FUCA2: variants seen among roughly 807,000 people sequenced by gnomAD.
FUCA2 encodes the protein alpha-L-fucosidase 2.
Under a neutral mutation model 52.6 loss-of-function variants are expected in FUCA2, and 41 were observed. The ratio of observed to expected loss-of-function variants is 0.78; its 90% CI spans 0.61 to 1.01. The LOEUF is 1.01. Among genes scored for constraint, FUCA2 ranks in the 50% least tolerant of loss-of-function variants. The pLI, the probability that FUCA2 is intolerant of heterozygous loss-of-function variation, is 0.00. For synonymous variants in FUCA2, 211 were observed against 217.3 expected (o/e 0.97, Z 0.26); for missense variants, 507 against 569.5 (o/e 0.89, Z 1.12).
Position 143,502,768 on chromosome 6 carries a change from G to C in FUCA2, c.753-203C>G, listed in dbSNP as rs1259157560. Among the ~76,000 whole-genome samples the C allele has an allele frequency of 1.3e-5, 2 of 152,116 alleles. No individual in the cohort carries two copies. Among genetic ancestry groups the C allele is most frequent in the East Asian group, 1.9e-4 (1 of 5,186 alleles). Reference sequence around the variant, plus strand: ...TGTCACTTTCTAGCTCCCAGACCTAGAGCAAATTACCTGACTCCTCTGAAT... The same window carrying C: ...TGTCACTTTCTAGCTCCCAGACCTACAGCAAATTACCTGACTCCTCTGAAT... On this transcript the variant is annotated intron_variant, in intron 3 of 6. Transcript: ENST00000002165. This position sits in a 1 kb window ranked among gnomAD's most constrained non-coding sequence, Gnocchi z 4.1.
chr6:143,504,076 T>C lies in FUCA2; in HGVS notation c.589A>G (p.Ser197Gly), dbSNP rs761868423. 1.2e-6 allele frequency: 2 copies of C among 1,614,190 alleles called. No individual in the cohort carries two copies. The highest frequency in any genetic ancestry group is 1.3e-5 in the African/African-American group (1 of 75,056). ...FHPLFLEDES[S>G]SFHKRQFPVS... ...GGAAATTGCCGCTTATGGAATGAAC[T>C]GGATTCATCCTCAAGGAAGAGCGGA... is the stretch of plus-strand genomic sequence containing the variant. Residue 197 changes from serine to glycine, a missense_variant, in exon 3 of 7, where the codon AGT becomes GGT. Physicochemically the swap from Ser to Gly is moderately conservative, Grantham distance 56 (BLOSUM62 0). Transcript: ENST00000002165. This position sits in a 1 kb window ranked among gnomAD's most constrained non-coding sequence, Gnocchi z 4.4.
chr6:143,510,571 G>A lies in FUCA2; in HGVS notation c.224+840C>T, dbSNP rs889833882. Reference sequence around the variant, plus strand: ...CGAGAATCGTTTGAACCCGGGCGGCGAAGGTTGCAGTGAGCCGAGATGGTG... The same window carrying A: ...CGAGAATCGTTTGAACCCGGGCGGCAAAGGTTGCAGTGAGCCGAGATGGTG... On this transcript the variant is annotated intron_variant, in intron 1 of 6. Coordinates refer to ENST00000002165, the MANE Select transcript of FUCA2 (RefSeq NM_032020.5). This position sits in a 1 kb window ranked among gnomAD's most constrained non-coding sequence, Gnocchi z 4.4. 1.3e-5 allele frequency among the ~76,000 whole-genome samples: 2 copies of A among 150,900 alleles called. No homozygotes were observed. The highest frequency in any genetic ancestry group is 2.4e-5 in the African/African-American group (1 of 40,996).
chr6:143,498,997 A>G (rs1030983512), intron 5 of FUCA2, among the ~76,000 whole-genome samples: 2 of 152,212 alleles, frequency 1.3e-5, no homozygotes, highest in African/African-American at 2.4e-5. Flanking sequence ...AAGGGCTTCA[A>G]GGTTTTGGGC....
Position 143,494,864 on chromosome 6 carries a change from CAAAAAGG to C in FUCA2, c.*836_*842del, listed in dbSNP as rs1474674967. ...AAGCTAAGTGTTATTACAAAAGAGC[CAAAAAGG>C]TTTTAAAAATTAAAACGTTTGTAAA... On this transcript the variant is annotated 3_prime_UTR_variant, in exon 7 of 7. Transcript: ENST00000002165. The surrounding 1 kb of genome is among the most constrained non-coding windows in gnomAD (Gnocchi z 6.6). 8 of 152,038 alleles carry C rather than the reference CAAAAAGG, an allele frequency of 5.3e-5. No individual in the cohort carries two copies. The highest frequency in any genetic ancestry group is 8.8e-5 in the Non-Finnish European group (6 of 67,990). 9.4% of individuals were successfully genotyped at this position (152,038 alleles called of 1,614,324 possible).
rs576526146 is a variant in FUCA2 at position 143,496,226 on chromosome 6, T to C, written c.1264-379A>G. 34 of 173,858 alleles carry C rather than the reference T, an allele frequency of 2.0e-4. No individual in the cohort carries two copies. The East Asian group carries it at 4.5e-3, about 23-fold the overall frequency. The allele number at this position is 173,858 out of a possible 1,614,324, so 10.8% of individuals were successfully genotyped here. A position where few individuals can be genotyped will look rare whatever the true frequency, so the allele number is the denominator to read the frequency against. On this transcript the variant is annotated intron_variant, in intron 6 of 6. Coordinates refer to ENST00000002165, the MANE Select transcript of FUCA2 (RefSeq NM_032020.5). Reference sequence around the variant, plus strand: ...CCCCAGATTTTCTAATAACCTCCACTAATCAATAATACATAAATTTGATCA... The same window carrying C: ...CCCCAGATTTTCTAATAACCTCCACCAATCAATAATACATAAATTTGATCA...
At position 143,500,231 on chromosome 6, in the gene FUCA2, G is replaced by A. The variant is rs1001837053; in HGVS notation, c.1154+1701C>T. On this transcript the variant is annotated intron_variant, in intron 5 of 6. Transcript: ENST00000002165. This position sits in a 1 kb window ranked among gnomAD's most constrained non-coding sequence, Gnocchi z 6.9. Reference sequence around the variant, plus strand: ...AGTGATGGGCCACAGAATCTGTCCCGGATAAGGAAAAAGACAGAGAAAAGA... The same window carrying A: ...AGTGATGGGCCACAGAATCTGTCCCAGATAAGGAAAAAGACAGAGAAAAGA... Among the ~76,000 whole-genome samples, 3 of 151,972 alleles carry A rather than the reference G, an allele frequency of 2.0e-5. No homozygotes were observed. In the East Asian group the frequency reaches 5.8e-4, roughly 29 times the overall value.
At position 143,504,236 on chromosome 6, in the gene FUCA2, C is replaced by A. The variant is rs1433363881; in HGVS notation, c.429G>T (p.Gly143=). The change falls in exon 3 of 7, where the codon GGG becomes GGT. Residue 143 remains glycine (G), a synonymous_variant. Coordinates refer to ENST00000002165, the MANE Select transcript of FUCA2 (RefSeq NM_032020.5). This position sits in a 1 kb window ranked among gnomAD's most constrained non-coding sequence, Gnocchi z 4.4. ...SKHHEGFTLW[G]SEYSWNWNAI... is the part of the protein sequence containing the mutation. Reference sequence around the variant, plus strand: ...CATTCCAGTTCCACGAATATTCTGACCCCCACAAGGTAAAGCCTAGAAAAT... The same window carrying A: ...CATTCCAGTTCCACGAATATTCTGAACCCCACAAGGTAAAGCCTAGAAAAT... The A allele has an allele frequency of 6.2e-7, 1 of 1,613,288 alleles. No individual in the cohort carries two copies. The highest frequency in any genetic ancestry group is 8.5e-7 in the Non-Finnish European group (1 of 1,179,602).
In FUCA2 at chr6:143,504,972, C is replaced by T. The variant is rs1157675977; in HGVS notation, c.413-720G>A. The T allele has an allele frequency of 6.6e-6, 1 of 152,036 alleles. No homozygotes were observed. Among genetic ancestry groups the T allele is most frequent in the African/African-American group, 2.4e-5 (1 of 41,370 alleles). 9.4% of individuals were successfully genotyped at this position (152,036 alleles called of 1,614,324 possible). A position where few individuals can be genotyped will look rare whatever the true frequency, so the allele number is the denominator to read the frequency against. On this transcript the variant is annotated intron_variant, in intron 2 of 6. Transcript: ENST00000002165. This position sits in a 1 kb window ranked among gnomAD's most constrained non-coding sequence, Gnocchi z 4.4. ...GATGTTCCTCTTTAATAAAATTACC[C>T]AAAAGTGAATAGTCTACCAACTACA...
chr6:143,505,307 A>ATTTTTTTTTTTTT (rs35474217), intron 2 of FUCA2: 3 of 96,620 alleles, frequency 3.1e-5, no homozygotes, highest in South Asian at 3.6e-4. Context: ...CATACTTTCG[A>ATTTTTTTTTTTTT]TTTTTTTTTT....
chr6:143,505,590 T>G (rs892548095), intron 2 of FUCA2: 9 of 152,236 alleles, frequency 5.9e-5, no homozygotes, highest in Non-Finnish European at 2.9e-5. Flanking sequence ...GTGTTGGAAT[T>G]ATAGATGTGA....
intron 6 of FUCA2, chr6:143,496,807 T>G (rs1464278465): frequency 6.6e-6 from 1 of 152,238 alleles, no homozygotes; most frequent in African/African-American, 2.4e-5. Context: ...AGAATCATTT[T>G]GGATGCATGC....
At position 143,502,130 on chromosome 6, in the gene FUCA2, A is replaced by G; in HGVS notation, c.964-8T>C. On this transcript the variant is annotated splice_region_variant and splice_polypyrimidine_tract_variant and intron_variant, in intron 4 of 6. Transcript: ENST00000002165. The surrounding 1 kb of genome is among the most constrained non-coding windows in gnomAD (Gnocchi z 4.1). ...AACTGTCTCTACAAGTTGCTAAAAA[A>G]TTAAGAATAATGTTTTTAGATAAAT... 6.3e-7 allele frequency: 1 copy of G among 1,577,460 alleles called. No individual in the cohort carries two copies. Among genetic ancestry groups the G allele is most frequent in the South Asian group, 1.2e-5 (1 of 85,256 alleles).
rs751405206 is a variant in FUCA2 at position 143,511,381 on chromosome 6, G to C, written c.224+30C>G. 2 of 1,565,634 alleles carry C rather than the reference G, an allele frequency of 1.3e-6. No individual in the cohort carries two copies. Among genetic ancestry groups the C allele is most frequent in the South Asian group, 2.3e-5 (2 of 86,048 alleles). The stretch of plus-strand genomic sequence containing the variant: ...AGGCTGCGGGTGGGGACAAAAGCGC[G>C]GCAGACGAGACAAAAGGGAGCGCAC... On this transcript the variant is annotated intron_variant, in intron 1 of 6. Transcript: ENST00000002165. This position sits in a 1 kb window ranked among gnomAD's most constrained non-coding sequence, Gnocchi z 6.3.
intron 2 of FUCA2, chr6:143,506,379 A>C (rs1479302975): frequency 6.6e-6 from 1 of 152,046 alleles, no homozygotes; most frequent in African/African-American, 2.4e-5. Context: ...GTTTTTGTAG[A>C]GACAGGGTCT....
rs984125850 is a variant in FUCA2 at position 143,511,659 on chromosome 6, C to T, written c.-25G>A. ...TGTCCCGGCGCAGGCCGGCTGTCCTCTCTGCAGGCTCCCGCGGCCTCGGGA... is the reference window on the plus strand; with the variant it reads ...TGTCCCGGCGCAGGCCGGCTGTCCTTTCTGCAGGCTCCCGCGGCCTCGGGA... On this transcript the variant is annotated 5_prime_UTR_variant, in exon 1 of 7. Transcript: ENST00000002165. The surrounding 1 kb of genome is among the most constrained non-coding windows in gnomAD (Gnocchi z 6.3). 1.3e-5 allele frequency: 19 copies of T among 1,448,468 alleles called. No individual in the cohort carries two copies. The African/African-American group carries it at 1.7e-4, about 13-fold the overall frequency. 89.7% of individuals were successfully genotyped at this position (1,448,468 alleles called of 1,614,324 possible). A position where few individuals can be genotyped will look rare whatever the true frequency, so the allele number is the denominator to read the frequency against.
In FUCA2 at chr6:143,495,885, T is replaced by C. The variant is rs1780452581; in HGVS notation, c.1264-38A>G. On this transcript the variant is annotated intron_variant, in intron 6 of 6. Transcript: ENST00000002165. The surrounding 1 kb of genome is among the most constrained non-coding windows in gnomAD (Gnocchi z 5.2). ...ACATACATGCAAATGTCTCCAAATT[T>C]ATCTCTTTATCTCACCCACTTTCTA... is the stretch of plus-strand genomic sequence containing the variant. The C allele has an allele frequency of 6.3e-7, 1 of 1,599,438 alleles. No homozygotes were observed. The highest frequency in any genetic ancestry group is 1.3e-5 in the African/African-American group (1 of 74,792).
rs192285682 is a variant in FUCA2, at chr6:143,511,290, G to T, written c.224+121C>A. ...GTGCGAAACGCGGGTAACGCAGTGG[G>T]AGGTGAAACCGACGAGGGTGCAGGC... is the stretch of plus-strand genomic sequence containing the variant. On this transcript the variant is annotated intron_variant, in intron 1 of 6. Coordinates refer to ENST00000002165, the MANE Select transcript of FUCA2 (RefSeq NM_032020.5). This position sits in a 1 kb window ranked among gnomAD's most constrained non-coding sequence, Gnocchi z 6.3. 8.5e-6 allele frequency: 7 copies of T among 820,656 alleles called. No homozygotes were observed. In the East Asian group the frequency reaches 1.8e-4, roughly 21 times the overall value. 50.8% of individuals were successfully genotyped at this position (820,656 alleles called of 1,614,324 possible).
In FUCA2 at chr6:143,495,956, G is replaced by T; in HGVS notation, c.1264-109C>A. 1.8e-6 allele frequency: 2 copies of T among 1,094,918 alleles called. No individual in the cohort carries two copies. Among genetic ancestry groups the T allele is most frequent in the African/African-American group, 1.6e-5 (1 of 63,632 alleles). 67.8% of individuals were successfully genotyped at this position (1,094,918 alleles called of 1,614,324 possible). A position where few individuals can be genotyped will look rare whatever the true frequency, so the allele number is the denominator to read the frequency against. ...GTTCAAACAAAATTGTAGACAAGAG[G>T]TTCATTTTTACCTTTATTTAGTGAT... On this transcript the variant is annotated intron_variant, in intron 6 of 6. Coordinates refer to ENST00000002165, the MANE Select transcript of FUCA2 (RefSeq NM_032020.5). The surrounding 1 kb of genome is among the most constrained non-coding windows in gnomAD (Gnocchi z 5.2).
At position 143,504,189 on chromosome 6, in the gene FUCA2, C is replaced by G. The variant is rs762888374; in HGVS notation, c.476G>C (p.Arg159Thr). 1 of 1,614,192 alleles carries G rather than the reference C, an allele frequency of 6.2e-7. No individual in the cohort carries two copies. Among genetic ancestry groups the G allele is most frequent in the Non-Finnish European group, 8.5e-7 (1 of 1,180,028 alleles). Residue 159 changes from arginine to threonine, a missense_variant, in exon 3 of 7, where the codon AGG (arginine) becomes ACG (threonine). Physicochemically the swap from Arg to Thr is moderately conservative, Grantham distance 71. Coordinates refer to ENST00000002165, the MANE Select transcript of FUCA2 (RefSeq NM_032020.5). The surrounding 1 kb of genome is among the most constrained non-coding windows in gnomAD (Gnocchi z 4.4). ...NWNAIDEGPK[R>T]DIVKELEVAI... ...TACCTCAAGTTCCTTGACAATGTCC[C>G]TCTTGGGCCCCTCATCTATGGCATT... is the stretch of plus-strand genomic sequence containing the variant.
Sources: gnomAD v4.1 joint callset for allele counts (sites outside exome capture counted in the v4.1 genomes callset) on GRCh38, gnomAD v4.1.1 for gene constraint, Gnocchi (gnomAD v3.1) non-coding constraint, MANE v1.5 for transcripts, NCBI Gene and HGNC (gene_info 2026-07-23, HGNC 2026-07-21) for gene names.